PSMD1: variants seen among roughly 807,000 people sequenced by gnomAD.
The protein encoded by PSMD1 is proteasome 26S subunit, non-ATPase 1, also known as 26S proteasome non-ATPase regulatory subunit 1.
Under a neutral mutation model 119.0 loss-of-function variants are expected in PSMD1, and 18 were observed. The observed-to-expected ratio is 0.15, with a 90% confidence interval of 0.10 to 0.22. PSMD1 has a LOEUF of 0.22. PSMD1 is among the 10% of genes least tolerant of loss of function. The pLI, the probability that PSMD1 is intolerant of heterozygous loss-of-function variation, is 1.00. For missense variants in PSMD1, 702 were observed against 1,158.5 expected, an observed-to-expected ratio of 0.61 and a Z score of 5.72; for synonymous variants, 374 against 396.6, an observed-to-expected ratio of 0.94 and a Z score of 0.68.
intron 16 of PSMD1, among the ~76,000 whole-genome samples, chr2:231,097,808 C>T (rs1694761053): frequency 6.6e-6 from 1 of 152,106 alleles, no homozygotes; most frequent in Non-Finnish European, 1.5e-5. Context: ...TTTCCTTCCT[C>T]TGGTTGATGA....
chr2:231,149,147 C>G (rs1044031138), intron 18 of PSMD1, among the ~76,000 whole-genome samples: 1 of 152,148 alleles, frequency 6.6e-6, no homozygotes, highest in African/African-American at 2.4e-5. Context: ...CACACGTTGC[C>G]CTCTTAGTTG....
intron 1 of PSMD1, among the ~76,000 whole-genome samples, chr2:231,058,750 G>A (rs974392014): frequency 6.6e-6 from 1 of 151,672 alleles, no homozygotes; most frequent in African/African-American, 2.4e-5. Context: ...TTGTTCCTTG[G>A]ATATGTCAGT....
chr2:231,134,589 C>T (rs1481677868), intron 16 of PSMD1, among the ~76,000 whole-genome samples: 1 of 152,194 alleles, frequency 6.6e-6, no homozygotes, highest in Admixed American at 6.5e-5. Flanking sequence ...GCTAGTAGTC[C>T]TGATTTTTTA....
In PSMD1 at chr2:231,062,868, TATG is replaced by T. The variant is rs1693794710; in HGVS notation, c.304+199_304+201del. On this transcript the variant is annotated intron_variant, in intron 4 of 24. Transcript: ENST00000308696. ...CAACTGAGTGCTGGTTCTCAGTGGT[TATG>T]ATGATCACCAGTCCAGTGAGCCTAC... 5.9e-5 allele frequency among the ~76,000 whole-genome samples: 9 copies of T among 152,318 alleles called. No homozygotes were observed. The South Asian group carries it at 1.9e-3, about 32-fold the overall frequency.
At chr2:231,086,763 G>A (rs1282181688) in intron 15 of PSMD1, among the ~76,000 whole-genome samples, 2 of 151,982 alleles carry the variant, frequency 1.3e-5, no homozygotes, top group African/African-American at 4.8e-5. Flanking sequence ...TTCTAAACTG[G>A]GGACAGAAAT....
chr2:231,061,417 G>A lies in PSMD1; in HGVS notation c.60+107G>A, dbSNP rs1018183362. 1.3e-5 allele frequency: 12 copies of A among 936,910 alleles called. No individual in the cohort carries two copies. In the African/African-American group the frequency reaches 1.7e-4, roughly 13 times the overall value. 58.0% of individuals were successfully genotyped at this position (936,910 alleles called of 1,614,324 possible). On this transcript the variant is annotated intron_variant, in intron 2 of 24. Coordinates refer to ENST00000308696, the MANE Select transcript of PSMD1 (RefSeq NM_002807.4). The stretch of plus-strand genomic sequence containing the variant: ...TCATTTAAAGTTGCTGTCCTAGCTG[G>A]CTTGTACCCAGTTACTGTAACCTAG...
intron 18 of PSMD1, among the ~76,000 whole-genome samples, chr2:231,147,079 G>A (rs542150409): frequency 6.6e-5 from 10 of 152,298 alleles, no homozygotes; most frequent in African/African-American, 2.4e-4. Flanking sequence ...CTGTAAACTT[G>A]GAGTGAGGGG....
At chr2:231,076,036 A>T (rs1328694157) in intron 8 of PSMD1, among the ~76,000 whole-genome samples, 1 of 152,210 alleles carries the variant, frequency 6.6e-6, no homozygotes, top group Non-Finnish European at 1.5e-5. Context: ...ATAAAAATGA[A>T]TTTTCTGTAA....
At chr2:231,163,826 C>A in intron 21 of PSMD1, 99 bp downstream of exon 21, 1 of 832,468 alleles carries the variant, frequency 1.2e-6, no homozygotes, top group South Asian at 1.8e-5. Context: ...TTAAAAGTAA[C>A]ACTTCTTATG....
chr2:231,133,605 G>C (rs1695899897), intron 16 of PSMD1: 1 of 152,222 alleles, frequency 6.6e-6, no homozygotes, highest in African/African-American at 2.4e-5. Context: ...TTGGGGGATG[G>C]GGGACTGCTT....
At chr2:231,131,431 T>C (rs935710025) in intron 16 of PSMD1, among the ~76,000 whole-genome samples, 5 of 152,238 alleles carry the variant, frequency 3.3e-5, no homozygotes, top group Non-Finnish European at 5.9e-5. Context: ...GAGTTTTGCT[T>C]TCAGTGAATG....
intron 4 of PSMD1, among the ~76,000 whole-genome samples, chr2:231,063,008 C>T (rs540476287): frequency 3.3e-5 from 5 of 152,202 alleles, no homozygotes; most frequent in East Asian, 1.9e-4. Flanking sequence ...TGCTAGGCAC[C>T]GTGCTAGTCA....
intron 18 of PSMD1, among the ~76,000 whole-genome samples, chr2:231,151,621 C>T (rs1374488721): frequency 6.6e-6 from 1 of 151,334 alleles, no homozygotes; most frequent in Non-Finnish European, 1.5e-5. Flanking sequence ...TTAAATTTTC[C>T]CTATAATGTA....
intron 4 of PSMD1, among the ~76,000 whole-genome samples, chr2:231,062,953 G>A (rs1439606183): frequency 2.0e-5 from 3 of 152,214 alleles, no homozygotes; most frequent in African/African-American, 7.2e-5. Flanking sequence ...ACCAGTTTGT[G>A]TAGTTTTTTC....
In PSMD1 at chr2:231,056,936, G is replaced by A; in HGVS notation, c.-90G>A. 6.6e-7 allele frequency: 1 copy of A among 1,506,720 alleles called. No individual in the cohort carries two copies. Among genetic ancestry groups the A allele is most frequent in the Non-Finnish European group, 8.9e-7 (1 of 1,118,664 alleles). 93.3% of individuals were successfully genotyped at this position (1,506,720 alleles called of 1,614,324 possible). A position where few individuals can be genotyped will look rare whatever the true frequency, so the allele number is the denominator to read the frequency against. On this transcript the variant is annotated 5_prime_UTR_variant, in exon 1 of 25. Coordinates refer to ENST00000308696, the MANE Select transcript of PSMD1 (RefSeq NM_002807.4). ...GAGCAGCGCACCCGGGGAGCAAGGA[G>A]GCGCGGTGAACTGAGCGGCCCCTGA...
chr2:231,147,974 T>C (rs1011474244), intron 18 of PSMD1, among the ~76,000 whole-genome samples: 17 of 152,240 alleles, frequency 1.1e-4, no homozygotes, highest in African/African-American at 3.9e-4. Context: ...TCATCTTTGC[T>C]TCATTTATTT....
In PSMD1 at chr2:231,153,678, T is replaced by C. The variant is rs1238383294; in HGVS notation, c.2218+12T>C. On this transcript the variant is annotated intron_variant, in intron 19 of 24. Transcript: ENST00000308696. ...CATACTGGATGCAGGTAAATGTTTTTAAGTCTTCAAGATTTATTTATTTAA... is the reference window on the plus strand; with the variant it reads ...CATACTGGATGCAGGTAAATGTTTTCAAGTCTTCAAGATTTATTTATTTAA... 1 of 1,530,694 alleles carries C rather than the reference T, an allele frequency of 6.5e-7. No individual in the cohort carries two copies. Among genetic ancestry groups the C allele is most frequent in the Non-Finnish European group, 9.0e-7 (1 of 1,111,316 alleles). 94.8% of individuals were successfully genotyped at this position (1,530,694 alleles called of 1,614,324 possible).
Position 231,083,576 on chromosome 2 carries a change from C to T in PSMD1, c.1535C>T (p.Ala512Val). 1 of 1,614,182 alleles carries T rather than the reference C, an allele frequency of 6.2e-7. No individual in the cohort carries two copies. The highest frequency in any genetic ancestry group is 8.5e-7 in the Non-Finnish European group (1 of 1,180,024). The change falls in exon 14 of 25, where the codon GCT (alanine) becomes GTT (valine). Residue 512 changes from alanine (A) to valine (V), a missense_variant. By Grantham distance (64) the Ala-to-Val change is moderately conservative. Around this residue, in one of 9 missense-constraint regions of PSMD1, gnomAD observed 272 missense variants for 511.6 expected, o/e 0.53. Coordinates refer to ENST00000308696, the MANE Select transcript of PSMD1 (RefSeq NM_002807.4). Reference protein sequence around the residue: ...YQDDAVTGEAAGLALGLVMLG... With the variant: ...YQDDAVTGEAVGLALGLVMLG... ...ACTCGTTACTTGCCAGGGGAAGCAG[C>T]TGGCCTGGCCCTAGGTTTGGTTATG...
intron 10 of PSMD1, among the ~76,000 whole-genome samples, chr2:231,079,001 G>A (rs1574712422): frequency 6.6e-6 from 1 of 151,832 alleles, no homozygotes; most frequent in Non-Finnish European, 1.5e-5. Flanking sequence ...TGCCATGTTG[G>A]CCAGGCTGGT....
Sources: allele counts gnomAD v4.1 joint callset (sites outside exome capture counted in the v4.1 genomes callset), GRCh38; gene constraint gnomAD v4.1.1; regional missense constraint gnomAD v4.1.1; transcripts MANE v1.5; gene names NCBI Gene and HGNC (gene_info 2026-07-23, HGNC 2026-07-21).